The following CD40 variants were observed in gnomAD, a reference collection of about 807,000 sequenced individuals.
CD40 encodes tumor necrosis factor receptor superfamily member 5.
CD40 carries 19 observed loss-of-function variants against 38.5 expected under a neutral mutation model. That is an observed-to-expected ratio of 0.49 (90% confidence interval 0.34 to 0.72). CD40 has a LOEUF of 0.72. CD40 is among the 30% of genes least tolerant of loss of function. CD40 has a pLI of 0.01. For missense variants in CD40, 256 were observed against 344.1 expected, an observed-to-expected ratio of 0.74 and a Z score of 2.03; for synonymous variants, 130 against 128.7, an observed-to-expected ratio of 1.01 and a Z score of -0.07.
In CD40 at chr20:46,122,124, A is replaced by G. The variant is rs1600655848; in HGVS notation, c.131-109A>G. Reference sequence around the variant, plus strand: ...CTCGCCTGATTATGAAGGATCCAAGACTTTCATCTTTGAATCCCCTACCCT... The same window carrying G: ...CTCGCCTGATTATGAAGGATCCAAGGCTTTCATCTTTGAATCCCCTACCCT... On this transcript the variant is annotated intron_variant, in intron 2 of 8. Coordinates refer to ENST00000372285, the MANE Select transcript of CD40 (RefSeq NM_001250.6). This position sits in a 1 kb window ranked among gnomAD's most constrained non-coding sequence, Gnocchi z 5.0. 4.3e-6 allele frequency: 6 copies of G among 1,393,858 alleles called. No homozygotes were observed. The highest frequency in any genetic ancestry group is 1.7e-5 in the Admixed American group (1 of 58,744). The allele number at this position is 1,393,858 out of a possible 1,614,324, so 86.3% of individuals were successfully genotyped here.
rs2145592341 is a variant in CD40, at chr20:46,122,386, T to C, written c.256+28T>C. ...GCGTGCGCTGTTGGGAAAGGGACGC[T>C]TGGGAACCGGGCTGATATTCCCGAC... On this transcript the variant is annotated intron_variant, in intron 3 of 8. Coordinates refer to ENST00000372285, the MANE Select transcript of CD40 (RefSeq NM_001250.6). This position sits in a 1 kb window ranked among gnomAD's most constrained non-coding sequence, Gnocchi z 5.0. 3 of 1,614,012 alleles carry C rather than the reference T, an allele frequency of 1.9e-6. No homozygotes were observed. The East Asian group carries it at 6.7e-5, about 36-fold the overall frequency.
At chr20:46,126,925 G>A in intron 6 of CD40, 1 of 654,320 alleles carries the variant, frequency 1.5e-6, no homozygotes, top group African/African-American at 1.8e-5. Flanking sequence ...CACTTCCTTA[G>A]TAGGTTTTGA....
chr20:46,121,686 C>G, intron 1 of CD40, 134 bp from the exon 2 acceptor site: 1 of 774,352 alleles, frequency 1.3e-6, no homozygotes, highest in Non-Finnish European at 2.4e-6. Flanking sequence ...TGCCAAATAT[C>G]ATGCAGGTTC....
chr20:46,127,775 C>T (rs930466280), intron 6 of CD40, among the ~76,000 whole-genome samples: 1 of 152,084 alleles, frequency 6.6e-6, no homozygotes, highest in Non-Finnish European at 1.5e-5. Context: ...CAGGGAGTGG[C>T]GGGGAGCATG....
chr20:46,128,941 C>T lies in CD40; in HGVS notation c.735C>T (p.Ser245=). ...EINFPDDLPG[S]NTAAPVQETL... The stretch of plus-strand genomic sequence containing the variant: ...ATTTTCCCGACGATCTTCCTGGCTC[C>T]AACACTGCTGCTCCAGTGCAGGAGA... Residue 245 remains serine, a synonymous_variant, in exon 9 of 9, where the codon TCC becomes TCT. Coordinates refer to ENST00000372285, the MANE Select transcript of CD40 (RefSeq NM_001250.6). The T allele has an allele frequency of 6.2e-7, 1 of 1,614,210 alleles. No individual in the cohort carries two copies. Among genetic ancestry groups the T allele is most frequent in the Non-Finnish European group, 8.5e-7 (1 of 1,180,034 alleles).
Position 46,122,767 on chromosome 20 carries a change from C to T in CD40, c.403+11C>T. 5 of 1,614,076 alleles carry T rather than the reference C, an allele frequency of 3.1e-6. No homozygotes were observed. Among genetic ancestry groups the T allele is most frequent in the Non-Finnish European group, 4.2e-6 (5 of 1,179,970 alleles). On this transcript the variant is annotated intron_variant, in intron 4 of 8. Transcript: ENST00000372285. The surrounding 1 kb of genome is among the most constrained non-coding windows in gnomAD (Gnocchi z 5.0). ...GGGTCAAGCAGATTGGTAAGTGGCT[C>T]ATCTGGGAATCAGTTTTGGAGGGGG... is the stretch of plus-strand genomic sequence containing the variant.
At chr20:46,126,806 A>G in intron 6 of CD40, 105 bp downstream of exon 6, 4 of 1,588,012 alleles carry the variant, frequency 2.5e-6, no homozygotes, top group South Asian at 1.1e-5. Flanking sequence ...GAGGGGAGGC[A>G]GTTTGGGGGT....
At position 46,129,173 on chromosome 20, in the gene CD40, C is replaced by T. The variant is rs761892578; in HGVS notation, c.*133C>T. 5 of 983,080 alleles carry T rather than the reference C, an allele frequency of 5.1e-6. No individual in the cohort carries two copies. The East Asian group carries it at 7.6e-5, about 15-fold the overall frequency. 60.9% of individuals were successfully genotyped at this position (983,080 alleles called of 1,614,324 possible). On this transcript the variant is annotated 3_prime_UTR_variant, in exon 9 of 9. Coordinates refer to ENST00000372285, the MANE Select transcript of CD40 (RefSeq NM_001250.6). Reference sequence around the variant, plus strand: ...GCATAGCTCCCCGCTTCTGCCTGCACCCCTGCAGTTTGAGACAGGAGACCT... The same window carrying T: ...GCATAGCTCCCCGCTTCTGCCTGCATCCCTGCAGTTTGAGACAGGAGACCT...
At position 46,126,737 on chromosome 20, in the gene CD40, G is replaced by C. The variant is rs41282788; in HGVS notation, c.559+36G>C. The C allele has an allele frequency of 0.018, 29,328 of 1,613,896 alleles. 325 individuals are homozygous for C. Among genetic ancestry groups the C allele is most frequent in the Non-Finnish European group, 0.022 (26,540 of 1,179,868 alleles). On this transcript the variant is annotated intron_variant, in intron 6 of 8. Coordinates refer to ENST00000372285, the MANE Select transcript of CD40 (RefSeq NM_001250.6). ...GACAATGGGCCCTGGAGAAAGCCTA[G>C]GAAGGTGGGAACTGAAGGGGGAGAT...
At chr20:46,128,734 G>A (rs1888742334) in intron 8 of CD40, 148 bp from the exon 9 acceptor site, 3 of 807,190 alleles carry the variant, frequency 3.7e-6, no homozygotes, top group Non-Finnish European at 6.0e-6. Flanking sequence ...GGCCAGCAGG[G>A]GGCAGGAGGC....
chr20:46,128,044 A>T lies in CD40; in HGVS notation c.560-94A>T, dbSNP rs1458818095. Reference sequence around the variant, plus strand: ...CCTTCTGATGTAGATGAGCTCTGACATTGGAAGATTCTGGAGTCTGACAAG... The same window carrying T: ...CCTTCTGATGTAGATGAGCTCTGACTTTGGAAGATTCTGGAGTCTGACAAG... On this transcript the variant is annotated intron_variant, in intron 6 of 8. Coordinates refer to ENST00000372285, the MANE Select transcript of CD40 (RefSeq NM_001250.6). The T allele has an allele frequency of 1.1e-5, 18 of 1,609,594 alleles. 1 individual carries two copies. The South Asian group carries it at 1.5e-4, about 14-fold the overall frequency.
intron 1 of CD40, among the ~76,000 whole-genome samples, chr20:46,121,379 G>A (rs1386756841): frequency 6.6e-6 from 1 of 152,186 alleles, no homozygotes; most frequent in African/African-American, 2.4e-5. Flanking sequence ...GCTTTGGAAA[G>A]GAGCAGGAAG....
At chr20:46,124,751 G>GTTT (rs780015926) in intron 5 of CD40, among the ~76,000 whole-genome samples, 4,233 of 73,726 alleles carry the variant, frequency 0.057, 1,032 homozygotes, top group Middle Eastern at 0.083. Flanking sequence ...CACTGGTATA[G>GTTT]TTTTTTTTTT....
At chr20:46,124,462 AT>A (rs2085381474) in intron 5 of CD40, among the ~76,000 whole-genome samples, 1 of 152,106 alleles carries the variant, frequency 6.6e-6, no homozygotes. Flanking sequence ...TGTTCCTTGC[AT>A]ATCCTTCCAG....
Position 46,129,105 on chromosome 20 carries a change from T to C in CD40, c.*65T>C, listed in dbSNP as rs780950226. The C allele has an allele frequency of 2.5e-6, 4 of 1,570,668 alleles. No homozygotes were observed. The highest frequency in any genetic ancestry group is 1.7e-4 in the Middle Eastern group (1 of 6,006). ...GGCAGTTGGCCAGAGAGCCTGGTGC[T>C]GCTGCTGCTGTGGCGTGAGGGTGAG... On this transcript the variant is annotated 3_prime_UTR_variant, in exon 9 of 9. Coordinates refer to ENST00000372285, the MANE Select transcript of CD40 (RefSeq NM_001250.6).
chr20:46,127,991 C>T (rs2085469576), intron 6 of CD40, 147 bp from the exon 7 acceptor site: 1 of 1,503,660 alleles, frequency 6.7e-7, no homozygotes, highest in East Asian at 2.4e-5. Context: ...ATCTGCCAGC[C>T]ACATTTCCCC....
intron 8 of CD40, 153 bp from the exon 9 acceptor site, chr20:46,128,729 G>T: frequency 1.3e-6 from 1 of 776,426 alleles, no homozygotes; most frequent in Non-Finnish European, 2.1e-6. Context: ...GGTGTGGCCA[G>T]CAGGGGGCAG....
At chr20:46,121,621 A>G (rs2085319001) in intron 1 of CD40, 199 bp from the exon 2 acceptor site, 2 of 641,452 alleles carry the variant, frequency 3.1e-6, no homozygotes, top group African/African-American at 3.6e-5. Flanking sequence ...TACCAGAATG[A>G]TTCTCTGGGT....
At chr20:46,125,063 G>A (rs1025849905) in intron 5 of CD40, among the ~76,000 whole-genome samples, 11 of 150,838 alleles carry the variant, frequency 7.3e-5, no homozygotes, top group African/African-American at 9.7e-5. Context: ...CACCGTGCCC[G>A]GCCACCAGTG....
Sources: allele counts gnomAD v4.1 joint callset (sites outside exome capture counted in the v4.1 genomes callset), GRCh38; gene constraint gnomAD v4.1.1; non-coding constraint Gnocchi (gnomAD v3.1); transcripts MANE v1.5; gene names NCBI Gene and HGNC (gene_info 2026-07-23, HGNC 2026-07-21).